The following KCNH1 variants were observed in gnomAD, a reference collection of about 807,000 sequenced individuals.
KCNH1 encodes the protein voltage-gated delayed rectifier potassium channel KCNH1.
A neutral mutation model predicts 69.2 loss-of-function variants in KCNH1; 27 were observed. That is an observed-to-expected ratio of 0.39 (90% CI 0.29 to 0.54). The LOEUF (loss-of-function observed/expected upper bound fraction) is 0.54, where lower values mean the gene tolerates loss of function less well. Ranked by LOEUF, KCNH1 falls within the 20% of genes least tolerant of loss-of-function variation. The pLI is 0.68. For synonymous variants in KCNH1, 456 were observed against 487.7 expected, an observed-to-expected ratio of 0.93 and a Z score of 0.86; for missense variants, 798 against 1,261.6, an observed-to-expected ratio of 0.63 and a Z score of 5.57.
Position 210,738,552 on chromosome 1 carries a change from CTTTTTTTTTTT to C in KCNH1, c.2112+36785_2112+36795del, listed in dbSNP as rs57669878. On this transcript the variant is annotated intron_variant, in intron 10 of 10. Coordinates refer to ENST00000271751, the MANE Select transcript of KCNH1 (RefSeq NM_172362.3). Reference sequence around the variant, plus strand: ...CTGTATTCCTGGCTTGGCTTTTTTGCTTTTTTTTTTTTTTTTTTTTTTTTTTTTTCTGAGAC... The same window carrying C: ...CTGTATTCCTGGCTTGGCTTTTTTGCTTTTTTTTTTTTTTTTTTCTGAGAC... 2.8e-3 allele frequency among the ~76,000 whole-genome samples: 137 copies of C among 49,148 alleles called. 1 individual carries two copies. The highest frequency in any genetic ancestry group is 3.5e-3 in the Non-Finnish European group (86 of 24,364). 32.2% of individuals were successfully genotyped at this position (49,148 alleles called of 152,430 possible).
chr1:210,756,565 A>T (rs1683404567), intron 10 of KCNH1, among the ~76,000 whole-genome samples: 1 of 152,200 alleles, frequency 6.6e-6, no homozygotes, highest in Non-Finnish European at 1.5e-5. Flanking sequence ...TGGAAAATAC[A>T]CTGGCCTTTG....
At chr1:210,706,972 CAGAAG>C (rs1015023839) in intron 10 of KCNH1, among the ~76,000 whole-genome samples, 1 of 152,144 alleles carries the variant, frequency 6.6e-6, no homozygotes, top group African/African-American at 2.4e-5. Context: ...AGGCTGGGTG[CAGAAG>C]AGAAGAGAAA....
chr1:210,844,042 T>C (rs764404202), intron 7 of KCNH1, among the ~76,000 whole-genome samples: 1 of 152,188 alleles, frequency 6.6e-6, no homozygotes, highest in Non-Finnish European at 1.5e-5. Context: ...TGTTTATCAA[T>C]ACCCTCCAGC....
intron 7 of KCNH1, among the ~76,000 whole-genome samples, chr1:210,862,526 G>T (rs1291435015): frequency 2.0e-5 from 3 of 152,090 alleles, no homozygotes; most frequent in Admixed American, 6.5e-5. Flanking sequence ...TAGAGATAGG[G>T]TCTCACTATG....
At chr1:210,921,577 A>G (rs1366315955) in intron 6 of KCNH1, among the ~76,000 whole-genome samples, 1 of 152,166 alleles carries the variant, frequency 6.6e-6, no homozygotes, top group African/African-American at 2.4e-5. Context: ...TTCTGGATAC[A>G]CAGTTAAACT....
At chr1:210,738,893 CA>C (rs933312640) in intron 10 of KCNH1, among the ~76,000 whole-genome samples, 7 of 152,150 alleles carry the variant, frequency 4.6e-5, no homozygotes, top group African/African-American at 1.7e-4. Context: ...CAGCCTGATT[CA>C]TCAGCTATAC....
At chr1:210,862,298 G>C (rs1270679056) in intron 7 of KCNH1, 3 of 846,242 alleles carry the variant, frequency 3.5e-6, no homozygotes, top group South Asian at 2.8e-5. Context: ...GCATGAACTA[G>C]GTCAAACCCA....
At chr1:210,836,106 C>T (rs919361262) in intron 7 of KCNH1, among the ~76,000 whole-genome samples, 6 of 82,060 alleles carry the variant, frequency 7.3e-5, no homozygotes, top group Middle Eastern at 7.6e-3. Context: ...AGCGAGTCTC[C>T]GTCTCAAAAA....
At chr1:210,828,387 A>G (rs991962582) in intron 7 of KCNH1, among the ~76,000 whole-genome samples, 2 of 152,222 alleles carry the variant, frequency 1.3e-5, no homozygotes, top group African/African-American at 4.8e-5. Context: ...ATAATAAAAC[A>G]AAAATGACAA....
intron 7 of KCNH1, among the ~76,000 whole-genome samples, chr1:210,864,094 G>A (rs1222328640): frequency 6.6e-6 from 1 of 152,196 alleles, no homozygotes; most frequent in African/African-American, 2.4e-5. Context: ...CAGGAAACAT[G>A]CAGAGGGTTT....
intron 8 of KCNH1, among the ~76,000 whole-genome samples, chr1:210,798,637 C>T (rs568030357): frequency 3.5e-4 from 53 of 151,990 alleles, no homozygotes; most frequent in Non-Finnish European, 5.6e-4. Context: ...AGCTACAGAG[C>T]GATGTTAGAG....
chr1:211,117,795 TCTC>T (rs1691608505), intron 1 of KCNH1, among the ~76,000 whole-genome samples: 1 of 152,068 alleles, frequency 6.6e-6, no homozygotes, highest in Non-Finnish European at 1.5e-5. Flanking sequence ...GTCAACTAAA[TCTC>T]CATGCTTCTG....
intron 7 of KCNH1, chr1:210,859,524 C>A (rs1685928991): frequency 6.3e-7 from 1 of 1,598,390 alleles, no homozygotes; most frequent in African/African-American, 1.3e-5. Context: ...CTTCACCTGC[C>A]TGCTTAGCCA....
chr1:210,808,764 A>C (rs1331201887), intron 7 of KCNH1, among the ~76,000 whole-genome samples: 1 of 152,096 alleles, frequency 6.6e-6, no homozygotes, highest in African/African-American at 2.4e-5. Flanking sequence ...TTGGTATCTT[A>C]TATATAAAGC....
chr1:210,714,742 T>TTTATC (rs1682179040), intron 10 of KCNH1, among the ~76,000 whole-genome samples: 1 of 152,186 alleles, frequency 6.6e-6, no homozygotes, highest in Non-Finnish European at 1.5e-5. Flanking sequence ...CATTTTTGCC[T>TTTATC]TTATCTTTTG....
chr1:210,766,011 C>T (rs1261342777), intron 10 of KCNH1, among the ~76,000 whole-genome samples: 9 of 151,718 alleles, frequency 5.9e-5, no homozygotes, highest in Non-Finnish European at 1.0e-4. Context: ...TGCAGGGAGC[C>T]GAGATCGCGC....
intron 6 of KCNH1, among the ~76,000 whole-genome samples, chr1:210,951,796 C>T (rs189157359): frequency 6.6e-6 from 1 of 152,040 alleles, no homozygotes; most frequent in Non-Finnish European, 1.5e-5. Context: ...AATAGAATAA[C>T]CCCCTGACTG....
chr1:210,878,922 A>G (rs1686437409), intron 7 of KCNH1, among the ~76,000 whole-genome samples: 1 of 152,086 alleles, frequency 6.6e-6, no homozygotes, highest in Non-Finnish European at 1.5e-5. Flanking sequence ...GACATAAATT[A>G]CTAATATCAG....
intron 5 of KCNH1, among the ~76,000 whole-genome samples, chr1:211,055,826 G>A (rs977154186): frequency 1.3e-5 from 2 of 152,192 alleles, no homozygotes; most frequent in Non-Finnish European, 2.9e-5. Context: ...AAGGGAACCT[G>A]ATGCCTTGAA....
Sources: allele counts gnomAD v4.1 joint callset (sites outside exome capture counted in the v4.1 genomes callset), GRCh38; gene constraint gnomAD v4.1.1; transcripts MANE v1.5; gene names NCBI Gene and HGNC (gene_info 2026-07-23, HGNC 2026-07-21).